CACNA1B: variants seen among roughly 807,000 people sequenced by gnomAD.
CACNA1B encodes the protein voltage-dependent N-type calcium channel subunit alpha-1B.
Under a neutral mutation model 247.2 loss-of-function variants are expected in CACNA1B, and 70 were observed. The observed-to-expected ratio is 0.28, with a 90% CI of 0.23 to 0.35. The LOEUF is 0.35. Among genes scored for constraint, CACNA1B ranks in the 10% least tolerant of loss-of-function variants. CACNA1B has a pLI of 1.00. For missense variants in CACNA1B, 2,367 were observed against 3,197.4 expected, an observed-to-expected ratio of 0.74 and a Z score of 6.26; for synonymous variants, 1,231 against 1,294.4, an observed-to-expected ratio of 0.95 and a Z score of 1.05.
At position 138,050,538 on chromosome 9, in the gene CACNA1B, A is replaced by G. The variant is rs1230195174; in HGVS notation, c.3710+1223A>G. Among the ~76,000 whole-genome samples, 5 of 152,162 alleles carry G rather than the reference A, an allele frequency of 3.3e-5. No individual in the cohort carries two copies. The highest frequency in any genetic ancestry group is 3.3e-4 in the Admixed American group (5 of 15,276). ...TCCCACTATTTCCTCTTTCTGTGAT[A>G]AAGGAATGAGAGCTTTGCCAAAGCA... On this transcript the variant is annotated intron_variant, in intron 24 of 46. Coordinates refer to ENST00000371372, the MANE Select transcript of CACNA1B (RefSeq NM_000718.4). The surrounding 1 kb of genome is among the most constrained non-coding windows in gnomAD (Gnocchi z 5.2).
At position 137,952,137 on chromosome 9, in the gene CACNA1B, T is replaced by C. The variant is rs1957884375; in HGVS notation, c.967-137T>C. ...CCAGCCCCATGCTTGGACCTCCCTG[T>C]GACTGGCCTCCCCACTGCCTGGACC... On this transcript the variant is annotated intron_variant, in intron 6 of 46. Transcript: ENST00000371372. The surrounding 1 kb of genome is among the most constrained non-coding windows in gnomAD (Gnocchi z 4.8). 1.2e-5 allele frequency: 8 copies of C among 668,846 alleles called. No individual in the cohort carries two copies. In the East Asian group the frequency reaches 2.2e-4, roughly 19 times the overall value. The allele number at this position is 668,846 out of a possible 1,614,324, so 41.4% of individuals were successfully genotyped here. A position where few individuals can be genotyped will look rare whatever the true frequency, so the allele number is the denominator to read the frequency against.
At position 138,072,639 on chromosome 9, in the gene CACNA1B, A is replaced by ACCC. The variant is rs967823138; in HGVS notation, c.4675-846_4675-844dup. ...CAGAAAGCCTCCTGGGTCCACAAGC[A>ACCC]CCCCCATCTGTGCACGGACACCTCC... On this transcript the variant is annotated intron_variant, in intron 32 of 46. Coordinates refer to ENST00000371372, the MANE Select transcript of CACNA1B (RefSeq NM_000718.4). This position sits in a 1 kb window ranked among gnomAD's most constrained non-coding sequence, Gnocchi z 4.5. Among the ~76,000 whole-genome samples, 2 of 151,864 alleles carry ACCC rather than the reference A, an allele frequency of 1.3e-5. No homozygotes were observed. Among genetic ancestry groups the ACCC allele is most frequent in the Non-Finnish European group, 2.9e-5 (2 of 67,998 alleles).
At position 138,023,556 on chromosome 9, in the gene CACNA1B, A is replaced by C; in HGVS notation, c.2813A>C (p.His938Pro). ...AEREPRRHRA[H>P]RHQDPSKECA... ...CGGGAGCCCCGACGCCACCGCGCGC[A>C]CCGGCACCAGGATCCGAGCAAGGAG... The change falls in exon 19 of 47, where the codon CAC (histidine) becomes CCC (proline). Residue 938 changes from histidine (H) to proline (P), a missense_variant. By Grantham distance (77) the His-to-Pro change is moderately conservative. This residue lies in a region of CACNA1B where 631 missense variants were observed against 631.1 expected (regional missense o/e 1.00). Coordinates refer to ENST00000371372, the MANE Select transcript of CACNA1B (RefSeq NM_000718.4). The C allele has an allele frequency of 9.2e-7, 1 of 1,088,238 alleles. No homozygotes were observed. Among genetic ancestry groups the C allele is most frequent in the Non-Finnish European group, 1.1e-6 (1 of 891,244 alleles). 67.4% of individuals were successfully genotyped at this position (1,088,238 alleles called of 1,614,324 possible).
chr9:138,024,096 G>A (rs1958889433), intron 19 of CACNA1B, among the ~76,000 whole-genome samples: 1 of 152,252 alleles, frequency 6.6e-6, no homozygotes, highest in South Asian at 2.1e-4. Flanking sequence ...TTTAAGAAGG[G>A]AGGGCTTAAG....
intron 42 of CACNA1B, among the ~76,000 whole-genome samples, chr9:138,116,866 G>A (rs1305335070): frequency 6.6e-6 from 1 of 152,204 alleles, no homozygotes; most frequent in Non-Finnish European, 1.5e-5. Flanking sequence ...AGCAGGGGCT[G>A]CAGTGCCCCA....
chr9:137,881,293 T>C lies in CACNA1B; in HGVS notation c.391-1451T>C, dbSNP rs1411885271. ...GTCATGATGGACCCTTGGGTGCTGG[T>C]AGCTTCTACCAGGTACTGCCAGCCA... On this transcript the variant is annotated intron_variant, in intron 2 of 46. Transcript: ENST00000371372. The surrounding 1 kb of genome is among the most constrained non-coding windows in gnomAD (Gnocchi z 4.3). 6.6e-6 allele frequency among the ~76,000 whole-genome samples: 1 copy of C among 152,154 alleles called. No homozygotes were observed. The highest frequency in any genetic ancestry group is 1.5e-5 in the Non-Finnish European group (1 of 68,012).
chr9:138,038,346 C>T (rs1434248024), intron 20 of CACNA1B, among the ~76,000 whole-genome samples: 1 of 152,192 alleles, frequency 6.6e-6, no homozygotes, highest in Admixed American at 6.5e-5. Flanking sequence ...GTGCACACTT[C>T]CTGTCCCCGA....
At chr9:137,979,375 G>A (rs775599637) in intron 12 of CACNA1B, among the ~76,000 whole-genome samples, 2 of 152,144 alleles carry the variant, frequency 1.3e-5, no homozygotes, top group Non-Finnish European at 2.9e-5. Context: ...ACAGGCTGCC[G>A]GAGTGTCCTC....
intron 44 of CACNA1B, among the ~76,000 whole-genome samples, chr9:138,119,821 C>T (rs887274921): frequency 1.3e-5 from 2 of 152,136 alleles, no homozygotes; most frequent in African/African-American, 4.8e-5. Context: ...TGATTCTGGC[C>T]GTGGAAGCAG....
At chr9:138,017,324 C>G (rs1958805726) in intron 18 of CACNA1B, 1 of 445,966 alleles carries the variant, frequency 2.2e-6, no homozygotes. Context: ...CAGCTCCAGG[C>G]CGGGCTTCTG....
intron 5 of CACNA1B, among the ~76,000 whole-genome samples, chr9:137,915,369 G>T (rs1171556247): frequency 6.6e-6 from 1 of 152,226 alleles, no homozygotes; most frequent in Non-Finnish European, 1.5e-5. Flanking sequence ...AGGTGATGGT[G>T]GCTGGGGCCA....
At position 138,120,258 on chromosome 9, in the gene CACNA1B, C is replaced by A; in HGVS notation, c.6124C>A (p.Pro2042Thr). Residue 2042 changes from proline (P) to threonine (T), a missense_variant, in exon 45 of 47, where the codon CCA becomes ACA. Physicochemically the swap from Pro to Thr is conservative, Grantham distance 38. Transcript: ENST00000371372. ...TCTTTGCAGCACCACCCCGGACCGC[C>A]CACCCCCTAGCCAGGCGTCGTCGCA... The part of the protein sequence containing the change: ...THLCSTTPDR[P>T]PPSQASSHHH... 1 of 1,601,204 alleles carries A rather than the reference C, an allele frequency of 6.2e-7. No individual in the cohort carries two copies. The highest frequency in any genetic ancestry group is 8.5e-7 in the Non-Finnish European group (1 of 1,175,298).
chr9:138,046,831 T>A, intron 21 of CACNA1B, 73 bp from the exon 22 acceptor site: 1 of 1,489,190 alleles, frequency 6.7e-7, no homozygotes, highest in Non-Finnish European at 9.2e-7. Flanking sequence ...CGGGACGGGC[T>A]GAGCCTGCCC....
intron 6 of CACNA1B, among the ~76,000 whole-genome samples, chr9:137,935,602 C>A (rs1158893278): frequency 6.6e-6 from 1 of 152,150 alleles, no homozygotes. Context: ...GATTTATAAT[C>A]CTTTGGGTAT....
In CACNA1B at chr9:138,057,059, C is replaced by A. The variant is rs1490985124; in HGVS notation, c.3969-673C>A. 6.6e-6 allele frequency among the ~76,000 whole-genome samples: 1 copy of A among 151,590 alleles called. No homozygotes were observed. Among genetic ancestry groups the A allele is most frequent in the Non-Finnish European group, 1.5e-5 (1 of 67,952 alleles). ...CACGCCATTCTCCTGCCTCAGCCTC[C>A]CGAGTAGCTGGGACTATAGGCGCCC... is the stretch of plus-strand genomic sequence containing the variant. On this transcript the variant is annotated intron_variant, in intron 26 of 46. Coordinates refer to ENST00000371372, the MANE Select transcript of CACNA1B (RefSeq NM_000718.4). The surrounding 1 kb of genome is among the most constrained non-coding windows in gnomAD (Gnocchi z 4.0).
chr9:137,987,469 C>T (rs1189941568), intron 15 of CACNA1B, among the ~76,000 whole-genome samples: 1 of 152,196 alleles, frequency 6.6e-6, no homozygotes, highest in East Asian at 1.9e-4. Context: ...CTGATGAGAG[C>T]ATGCCTTGCA....
intron 36 of CACNA1B, among the ~76,000 whole-genome samples, chr9:138,085,402 C>CA (rs34948400): frequency 4.0e-5 from 6 of 150,412 alleles, no homozygotes; most frequent in South Asian, 4.2e-4. Context: ...CATGATTAAG[C>CA]AAAAAAATAT....
At chr9:137,878,358 G>A in intron 1 of CACNA1B, 141 bp downstream of exon 1, 2 of 727,554 alleles carry the variant, frequency 2.7e-6, no homozygotes, top group Non-Finnish European at 3.8e-6. Context: ...AGCGCCCCAG[G>A]GCCCCTCGGA....
rs1962159114 is a variant in CACNA1B, at chr9:138,123,193, A to C, written c.*1194A>C. The C allele has an allele frequency of 6.6e-6, 1 of 152,338 alleles. No individual in the cohort carries two copies. Among genetic ancestry groups the C allele is most frequent in the Non-Finnish European group, 1.5e-5 (1 of 68,114 alleles). 9.4% of individuals were successfully genotyped at this position (152,338 alleles called of 1,614,324 possible). A position where few individuals can be genotyped will look rare whatever the true frequency, so the allele number is the denominator to read the frequency against. On this transcript the variant is annotated 3_prime_UTR_variant, in exon 47 of 47. Transcript: ENST00000371372. ...AGGAAGACATTGGCTGGGGGCTTGG[A>C]TGTGGGGCCGTCAGGGCAGGAGGGA...
Sources: allele counts gnomAD v4.1 joint callset (sites outside exome capture counted in the v4.1 genomes callset), GRCh38; gene constraint gnomAD v4.1.1; regional missense constraint gnomAD v4.1.1; non-coding constraint Gnocchi (gnomAD v3.1); transcripts MANE v1.5; gene names NCBI Gene and HGNC (gene_info 2026-07-23, HGNC 2026-07-21).